ZFHX3: variants seen among roughly 807,000 people sequenced by gnomAD.
The protein encoded by ZFHX3 is zinc finger homeobox 3.
A neutral mutation model predicts 279.1 loss-of-function variants in ZFHX3; 42 were observed. The observed-to-expected ratio is 0.15, with a 90% confidence interval of 0.12 to 0.19. The LOEUF (loss-of-function observed/expected upper bound fraction) is 0.19, where lower values mean the gene tolerates loss of function less well. Ranked by LOEUF, ZFHX3 falls within the 10% of genes least tolerant of loss-of-function variation. The pLI is 1.00. For missense variants in ZFHX3, 4,981 were observed against 4,754.0 expected (o/e 1.05, Z -1.40); for synonymous variants, 2,293 against 1,957.8 (o/e 1.17, Z -4.52).
At position 73,664,583 on chromosome 16, in the gene ZFHX3, T is replaced by G. The variant is rs79006384; in HGVS notation, c.-1547+15597A>C. Among the ~76,000 whole-genome samples, 1,031 of 152,304 alleles carry G rather than the reference T, an allele frequency of 6.8e-3. 13 individuals carry two copies. The highest frequency in any genetic ancestry group is 0.022 in the African/African-American group (909 of 41,566). The stretch of plus-strand genomic sequence containing the variant: ...TACTGAAATTTGAAATCCCATAGTA[T>G]TTGCCATTTTGGACTTCCCATCACA... On this transcript the variant is annotated intron_variant, in intron 2 of 17. Coordinates refer to the ZFHX3 transcript ENST00000641206.
chr16:73,551,234 G>GA (rs2020199217), intron 2 of ZFHX3, among the ~76,000 whole-genome samples: 1 of 152,010 alleles, frequency 6.6e-6, no homozygotes, highest in Non-Finnish European at 1.5e-5. Flanking sequence ...CATGAGAAGG[G>GA]AAAATGCGAG....
intron 3 of ZFHX3, among the ~76,000 whole-genome samples, chr16:72,906,579 C>T (rs1379947917): frequency 3.9e-5 from 6 of 152,096 alleles, no homozygotes; most frequent in Non-Finnish European, 8.8e-5. Context: ...GGCGGATCAC[C>T]TGAGGTCAGG....
In ZFHX3 at chr16:73,010,487, T is replaced by C. The variant is rs574925781; in HGVS notation, c.-50+37265A>G. Among the ~76,000 whole-genome samples the C allele has an allele frequency of 5.6e-4, 85 of 152,344 alleles. 4 individuals are homozygous for C. The South Asian group carries it at 0.017, about 30-fold the overall frequency. On this transcript the variant is annotated intron_variant, in intron 1 of 9. Transcript: ENST00000268489. Reference sequence around the variant, plus strand: ...CTTTGTCCAGCAGTAATTAATAGTATAATCCACATTTCAGATGCATTAAAG... The same window carrying C: ...CTTTGTCCAGCAGTAATTAATAGTACAATCCACATTTCAGATGCATTAAAG...
chr16:73,080,427 C>A (rs1161569360), intron 8 of ZFHX3, among the ~76,000 whole-genome samples: 1 of 152,186 alleles, frequency 6.6e-6, no homozygotes, highest in African/African-American at 2.4e-5. Flanking sequence ...ATTGGGCCAC[C>A]TAGTCTATGA....
chr16:73,874,513 A>G (rs2029891932), intron 1 of ZFHX3, among the ~76,000 whole-genome samples: 1 of 152,188 alleles, frequency 6.6e-6, no homozygotes, highest in Non-Finnish European at 1.5e-5. Context: ...CCTCCCCTCT[A>G]AATGTACACA....
intron 2 of ZFHX3, among the ~76,000 whole-genome samples, chr16:73,565,828 T>A (rs1015737459): frequency 6.6e-6 from 1 of 152,224 alleles, no homozygotes; most frequent in African/African-American, 2.4e-5. Context: ...GCAACTTACA[T>A]CCTGTGCCTC....
intron 4 of ZFHX3, 122 bp from the exon 5 acceptor site, chr16:72,829,981 TC>T: frequency 1.0e-6 from 1 of 992,606 alleles, no homozygotes; most frequent in Non-Finnish European, 1.5e-6. Context: ...CCCTTCTCTT[TC>T]CAGAGGCCCC....
At chr16:73,241,193 GGA>G (rs1440046183) in intron 5 of ZFHX3, among the ~76,000 whole-genome samples, 36 of 152,254 alleles carry the variant, frequency 2.4e-4, no homozygotes, top group African/African-American at 5.8e-4. Flanking sequence ...CATATACAGA[GGA>G]TTATACATGA....
At chr16:72,987,420 T>C (rs1275187483) in intron 1 of ZFHX3, among the ~76,000 whole-genome samples, 1 of 152,280 alleles carries the variant, frequency 6.6e-6, no homozygotes, top group African/African-American at 2.4e-5. Flanking sequence ...GGAGAAATCA[T>C]TCACCAGTGC....
At chr16:73,160,513 C>CT (rs546094382) in intron 5 of ZFHX3, among the ~76,000 whole-genome samples, 100 of 151,322 alleles carry the variant, frequency 6.6e-4, no homozygotes, top group Non-Finnish European at 5.8e-4. Context: ...TTTCTGTCCC[C>CT]TTTTTTTTTC....
At chr16:72,855,766 T>C (rs2037739685) in intron 4 of ZFHX3, among the ~76,000 whole-genome samples, 1 of 152,108 alleles carries the variant, frequency 6.6e-6, no homozygotes, top group South Asian at 2.1e-4. Flanking sequence ...TTCCAGCACG[T>C]GAAGAAGCTT....
chr16:73,630,516 C>T (rs987916209), intron 2 of ZFHX3, among the ~76,000 whole-genome samples: 4 of 152,170 alleles, frequency 2.6e-5, no homozygotes, highest in African/African-American at 9.7e-5. Flanking sequence ...CAGGGTTTCA[C>T]GCAACTCCAT....
chr16:73,368,873 C>G (rs930490821), intron 3 of ZFHX3, among the ~76,000 whole-genome samples: 7 of 152,186 alleles, frequency 4.6e-5, no homozygotes, highest in African/African-American at 1.7e-4. Context: ...TAAGGAAACT[C>G]AAATTCAGAG....
chr16:73,448,263 T>C (rs572352258), intron 3 of ZFHX3, among the ~76,000 whole-genome samples: 2 of 152,256 alleles, frequency 1.3e-5, no homozygotes, highest in African/African-American at 4.8e-5. Flanking sequence ...GAAACACCCA[T>C]CTGGGAGAAA....
Position 72,958,312 on chromosome 16 carries a change from C to A in ZFHX3, c.1834G>T (p.Asp612Tyr), listed in dbSNP as rs2144441302. 6.2e-7 allele frequency: 1 copy of A among 1,614,040 alleles called. No homozygotes were observed. Among genetic ancestry groups the A allele is most frequent in the Non-Finnish European group, 8.5e-7 (1 of 1,179,882 alleles). The stretch of plus-strand genomic sequence containing the variant: ...TGATGGGGAACGAAGCCCCCATCGT[C>A]ACCCTCTGTGCTTTCATTTGGTTCT... ...APEPNESTEGDDGGFVPHHQH... is the reference protein window; with the variant it reads ...APEPNESTEGYDGGFVPHHQH... The change falls in exon 2 of 10, where the codon GAC becomes TAC. Residue 612 changes from aspartate to tyrosine, a missense_variant. Physicochemically the swap from Asp to Tyr is radical, Grantham distance 160 (BLOSUM62 -3). Transcript: ENST00000268489.
intron 1 of ZFHX3, among the ~76,000 whole-genome samples, chr16:73,729,639 C>G (rs181409049): frequency 6.6e-6 from 1 of 152,258 alleles, no homozygotes; most frequent in Non-Finnish European, 1.5e-5. Context: ...TTGGGGAAAC[C>G]CAAACTAAAA....
chr16:73,051,107 C>A (rs541955772), upstream of ZFHX3, among the ~76,000 whole-genome samples: 5 of 152,120 alleles, frequency 3.3e-5, no homozygotes, highest in African/African-American at 1.2e-4. Flanking sequence ...TGACTTCCAG[C>A]GTAACCTGGG....
chr16:72,978,700 C>A, intron 1 of ZFHX3, among the ~76,000 whole-genome samples: 1 of 152,220 alleles, frequency 6.6e-6, no homozygotes, highest in East Asian at 1.9e-4. Flanking sequence ...ACAGCAAAGT[C>A]TTCCAGGGAT....
chr16:73,310,316 T>C (rs1370289474), intron 4 of ZFHX3, among the ~76,000 whole-genome samples: 1 of 152,210 alleles, frequency 6.6e-6, no homozygotes, highest in African/African-American at 2.4e-5. Context: ...AGTTTTATTA[T>C]TGACATTATT....
Sources: allele counts gnomAD v4.1 joint callset (sites outside exome capture counted in the v4.1 genomes callset), GRCh38; gene constraint gnomAD v4.1.1; transcripts MANE v1.5; gene names NCBI Gene and HGNC (gene_info 2026-07-23, HGNC 2026-07-21).